The following RNF180 variants were observed in gnomAD, a reference collection of about 807,000 sequenced individuals.
RNF180 encodes E3 ubiquitin-protein ligase RNF180.
RNF180 carries 38 observed loss-of-function variants against 59.2 expected under a neutral mutation model. That is an observed-to-expected ratio of 0.64 (90% CI 0.50 to 0.84). RNF180 has a LOEUF of 0.84. Ranked by LOEUF, RNF180 falls within the 40% of genes least tolerant of loss-of-function variation. The pLI, the probability that RNF180 is intolerant of heterozygous loss-of-function variation, is 0.00. For synonymous variants in RNF180, 262 were observed against 240.3 expected (o/e 1.09, Z -0.84); for missense variants, 705 against 700.9 (o/e 1.01, Z -0.07).
At chr5:64,289,429 C>T (rs536850704) in intron 5 of RNF180, among the ~76,000 whole-genome samples, 31 of 152,138 alleles carry the variant, frequency 2.0e-4, no homozygotes, top group African/African-American at 7.5e-4. Context: ...GAGGAGTTCC[C>T]ATTTTTCAAT....
At chr5:64,286,658 A>T (rs1484431046) in intron 5 of RNF180, among the ~76,000 whole-genome samples, 1 of 152,200 alleles carries the variant, frequency 6.6e-6, no homozygotes, top group Non-Finnish European at 1.5e-5. Flanking sequence ...TGTGCGAAGC[A>T]CTCTATTCTA....
At position 64,325,276 on chromosome 5, in the gene RNF180, T is replaced by G; in HGVS notation, c.1318T>G (p.Phe440Val). Residue 440 changes from phenylalanine to valine, a missense_variant, in exon 6 of 8, where the codon TTC becomes GTC. Phe to Val is a conservative substitution (Grantham distance 50). Transcript: ENST00000389100. ...CTGTGCAGTGTGTCTGGACGTTTAT[T>G]TCAACCCTTATATGTGTTACCCTTG... ...YICAVCLDVY[F>V]NPYMCYPCHH... 6.4e-7 allele frequency: 1 copy of G among 1,551,576 alleles called. No homozygotes were observed. Among genetic ancestry groups the G allele is most frequent in the Non-Finnish European group, 8.7e-7 (1 of 1,146,870 alleles).
chr5:64,197,692 G>A (rs1751527622), intron 1 of RNF180, among the ~76,000 whole-genome samples: 3 of 152,166 alleles, frequency 2.0e-5, no homozygotes, highest in Admixed American at 1.3e-4. Context: ...ACTGATGGCT[G>A]ATGATGATCT....
At chr5:64,175,302 T>C (rs1193893388) in intron 1 of RNF180, among the ~76,000 whole-genome samples, 9 of 152,302 alleles carry the variant, frequency 5.9e-5, no homozygotes, top group Admixed American at 5.2e-4. Context: ...TTTTTTCATA[T>C]GGTAGAAGAC....
chr5:64,279,719 T>G (rs572195445), intron 5 of RNF180, among the ~76,000 whole-genome samples: 1 of 152,336 alleles, frequency 6.6e-6, no homozygotes, highest in African/African-American at 2.4e-5. Flanking sequence ...TTTAGAGTTA[T>G]CTTTAATCCT....
chr5:64,260,728 A>G (rs1477744700), intron 5 of RNF180, among the ~76,000 whole-genome samples: 1 of 152,176 alleles, frequency 6.6e-6, no homozygotes, highest in Non-Finnish European at 1.5e-5. Flanking sequence ...AACTGGCTGT[A>G]TGAGATCTTC....
chr5:64,278,664 G>A (rs918744262), intron 5 of RNF180, among the ~76,000 whole-genome samples: 1 of 152,182 alleles, frequency 6.6e-6, no homozygotes, highest in African/African-American at 2.4e-5. Context: ...ATTGGATCGT[G>A]GTAACAGTAA....
intron 7 of RNF180, among the ~76,000 whole-genome samples, chr5:64,350,763 T>C (rs1279290282): frequency 6.6e-6 from 1 of 152,170 alleles, no homozygotes; most frequent in Non-Finnish European, 1.5e-5. Flanking sequence ...GTTCCATTGG[T>C]CTATATCTCT....
chr5:64,209,426 G>A (rs1752191944), intron 2 of RNF180, among the ~76,000 whole-genome samples: 1 of 151,892 alleles, frequency 6.6e-6, no homozygotes, highest in Admixed American at 6.6e-5. Context: ...TAAGAAGTAG[G>A]ACAGTGAAAT....
intron 5 of RNF180, among the ~76,000 whole-genome samples, chr5:64,242,192 C>T (rs1460381062): frequency 1.3e-5 from 2 of 152,192 alleles, no homozygotes; most frequent in Non-Finnish European, 2.9e-5. Context: ...TTCTGTCAGC[C>T]CTACACTGAT....
chr5:64,210,470 G>A (rs1385320218), intron 2 of RNF180, among the ~76,000 whole-genome samples: 3 of 152,140 alleles, frequency 2.0e-5, no homozygotes, highest in African/African-American at 7.2e-5. Context: ...TCTCTTTTGA[G>A]GGGGAAAATC....
rs1749601411 is a variant in RNF180, at chr5:64,165,895, T to C, written c.-59T>C. Reference sequence around the variant, plus strand: ...CAGCGAGTCCTCAGAGCCTGGCTGCTGGCGGCCGGGAGCGCCGGGACGGGG... The same window carrying C: ...CAGCGAGTCCTCAGAGCCTGGCTGCCGGCGGCCGGGAGCGCCGGGACGGGG... On this transcript the variant is annotated 5_prime_UTR_variant, in exon 1 of 8. Coordinates refer to ENST00000389100, the MANE Select transcript of RNF180 (RefSeq NM_001113561.2). 6.6e-6 allele frequency: 1 copy of C among 152,156 alleles called. No homozygotes were observed. Among genetic ancestry groups the C allele is most frequent in the Non-Finnish European group, 1.5e-5 (1 of 68,076 alleles). The allele number at this position is 152,156 out of a possible 1,614,324, so 9.4% of individuals were successfully genotyped here.
At chr5:64,365,286 GTTGT>G (rs1162703691) in intron 7 of RNF180, among the ~76,000 whole-genome samples, 4 of 151,686 alleles carry the variant, frequency 2.6e-5, no homozygotes, top group Non-Finnish European at 4.4e-5. Flanking sequence ...TCAGAAGCAG[GTTGT>G]TTAATTTCCA....
At chr5:64,239,613 A>T (rs746171764) in intron 5 of RNF180, among the ~76,000 whole-genome samples, 26 of 152,148 alleles carry the variant, frequency 1.7e-4, no homozygotes, top group Non-Finnish European at 2.6e-4. Context: ...CTGAATTATT[A>T]ATTTGGCTTC....
intron 5 of RNF180, among the ~76,000 whole-genome samples, chr5:64,259,936 A>C (rs976435288): frequency 2.6e-5 from 4 of 152,104 alleles, no homozygotes; most frequent in Middle Eastern, 3.2e-3. Context: ...ACAACAACAA[A>C]AAAATTAAAA....
chr5:64,294,241 G>A (rs970781256), intron 5 of RNF180, among the ~76,000 whole-genome samples: 75 of 152,288 alleles, frequency 4.9e-4, no homozygotes, highest in African/African-American at 1.6e-3. Context: ...TAACAAGTTT[G>A]TAACTCAAAC....
intron 7 of RNF180, among the ~76,000 whole-genome samples, chr5:64,340,624 T>C (rs1325002855): frequency 6.6e-6 from 1 of 152,214 alleles, no homozygotes; most frequent in Admixed American, 6.5e-5. Context: ...GGGACTGCCT[T>C]GGAGCTGAAA....
At chr5:64,365,043 T>A (rs1209041568) in intron 7 of RNF180, among the ~76,000 whole-genome samples, 1 of 151,670 alleles carries the variant, frequency 6.6e-6, no homozygotes, top group African/African-American at 2.4e-5. Context: ...TTTTGAATGC[T>A]TTTTGTGTCT....
At chr5:64,337,602 C>T (rs999668551) in intron 7 of RNF180, among the ~76,000 whole-genome samples, 1 of 151,454 alleles carries the variant, frequency 6.6e-6, no homozygotes. Context: ...GTGTGCTGCA[C>T]CCATTAACTC....
Sources: gnomAD v4.1 joint callset for allele counts (sites outside exome capture counted in the v4.1 genomes callset) on GRCh38, gnomAD v4.1.1 for gene constraint, MANE v1.5 for transcripts, NCBI Gene and HGNC (gene_info 2026-07-23, HGNC 2026-07-21) for gene names.